CHTF8: variants seen among roughly 807,000 people sequenced by gnomAD.
CHTF8 encodes the protein chromosome transmission fidelity protein 8 homolog.
In CHTF8, 6 loss-of-function variants were observed where a neutral mutation model predicts 11.0. The ratio of observed to expected loss-of-function variants is 0.55; its 90% CI spans 0.30 to 1.08. CHTF8 has a LOEUF of 1.08. CHTF8 is among the 50% of genes least tolerant of loss of function. The probability of loss-of-function intolerance (pLI) is 0.07; values close to 1 mark genes in which losing one functional copy is unlikely to be tolerated. For synonymous variants in CHTF8, 53 were observed against 60.5 expected (o/e 0.88, Z 0.57); for missense variants, 140 against 153.1 (o/e 0.91, Z 0.45).
intron 1 of CHTF8, among the ~76,000 whole-genome samples, chr16:69,130,270 ATAAC>A (rs1194933165): frequency 6.6e-6 from 1 of 152,216 alleles, no homozygotes; most frequent in African/African-American, 2.4e-5. Context: ...CTCAATACAA[ATAAC>A]TAAATTTTAA....
intron 2 of CHTF8, 118 bp from the exon 3 acceptor site, chr16:69,121,288 T>C (rs1223422835): frequency 1.4e-5 from 18 of 1,250,548 alleles, no homozygotes; most frequent in African/African-American, 1.3e-4. Context: ...TCTTGGGAAA[T>C]TGGGCAGTGC....
chr16:69,120,927 G>C lies in CHTF8; in HGVS notation c.141+126C>G, dbSNP rs1961603526. ...GAGGTAGGGGGAGAACAAGCAGAGA[G>C]CATCGCAGATTAGCTAGGCCTTGAA... On this transcript the variant is annotated intron_variant, in intron 3 of 3. Coordinates refer to ENST00000448552, the MANE Select transcript of CHTF8 (RefSeq NM_001039690.5). The surrounding 1 kb of genome is among the most constrained non-coding windows in gnomAD (Gnocchi z 4.0). The C allele has an allele frequency of 1.2e-6, 1 of 848,588 alleles. No individual in the cohort carries two copies. The highest frequency in any genetic ancestry group is 1.7e-5 in the African/African-American group (1 of 60,404). 52.6% of individuals were successfully genotyped at this position (848,588 alleles called of 1,614,324 possible).
At chr16:69,121,702 C>T (rs965270791) in intron 1 of CHTF8, among the ~76,000 whole-genome samples, 2 of 150,256 alleles carry the variant, frequency 1.3e-5, no homozygotes, top group African/African-American at 4.9e-5. Context: ...GAGTCTCACT[C>T]TGTCACCCAG....
intron 1 of CHTF8, among the ~76,000 whole-genome samples, chr16:69,125,894 A>T (rs1962026622): frequency 6.6e-6 from 1 of 152,218 alleles, no homozygotes; most frequent in African/African-American, 2.4e-5. Flanking sequence ...TATTGCAAAG[A>T]CCAAATATAA....
intron 1 of CHTF8, among the ~76,000 whole-genome samples, chr16:69,123,941 A>AC (rs1308004835): frequency 1.4e-5 from 2 of 140,544 alleles, no homozygotes; most frequent in East Asian, 2.2e-4. Context: ...AAAAAAAAAA[A>AC]AAAAAACAAA....
At chr16:69,122,731 G>A (rs1018388233) in intron 1 of CHTF8, among the ~76,000 whole-genome samples, 1 of 151,924 alleles carries the variant, frequency 6.6e-6, no homozygotes, top group African/African-American at 2.4e-5. Context: ...TAGTAGAGAC[G>A]AGGTTTCTTC....
Position 69,119,607 on chromosome 16 carries a change from A to G in CHTF8, c.*818T>C. ...CTGCTGCTCTTAGAATGGGGGCAAG[A>G]TCGAGGCCTTGAGGTCCAGCCATTC... is the stretch of plus-strand genomic sequence containing the variant. On this transcript the variant is annotated 3_prime_UTR_variant, in exon 4 of 4. Transcript: ENST00000448552. The G allele has an allele frequency of 1.4e-6, 1 of 698,328 alleles. No individual in the cohort carries two copies. The highest frequency in any genetic ancestry group is 2.6e-6 in the Non-Finnish European group (1 of 382,134). 43.3% of individuals were successfully genotyped at this position (698,328 alleles called of 1,614,324 possible). A position where few individuals can be genotyped will look rare whatever the true frequency, so the allele number is the denominator to read the frequency against.
Position 69,124,110 on chromosome 16 carries a change from G to GA in CHTF8, c.-35-2618dup, listed in dbSNP as rs548522836. Among the ~76,000 whole-genome samples the GA allele has an allele frequency of 3.6e-3, 501 of 138,208 alleles. 7 individuals are homozygous for GA. In the East Asian group the frequency reaches 0.041, roughly 11 times the overall value. 90.7% of individuals were successfully genotyped at this position (138,208 alleles called of 152,430 possible). On this transcript the variant is annotated intron_variant, in intron 1 of 3. Transcript: ENST00000448552. Reference sequence around the variant, plus strand: ...AAGAGCAAGACTCTGTCTCAAAGGGGAAAAAAAAAAAAAGGATAATATGCT... The same window carrying GA: ...AAGAGCAAGACTCTGTCTCAAAGGGGAAAAAAAAAAAAAAGGATAATATGCT...
At chr16:69,122,228 TCAC>T (rs1168762012) in intron 1 of CHTF8, among the ~76,000 whole-genome samples, 4 of 152,210 alleles carry the variant, frequency 2.6e-5, no homozygotes, top group Admixed American at 2.6e-4. Context: ...TTGCTTAAAA[TCAC>T]CAATGGTCAA....
Position 69,120,064 on chromosome 16 carries a change from C to G in CHTF8, c.*361G>C. 1 of 691,012 alleles carries G rather than the reference C, an allele frequency of 1.4e-6. No individual in the cohort carries two copies. Among genetic ancestry groups the G allele is most frequent in the Non-Finnish European group, 2.6e-6 (1 of 380,718 alleles). 42.8% of individuals were successfully genotyped at this position (691,012 alleles called of 1,614,324 possible). ...GTTTAGGGTGGGGCCTGGGCCTGGGCCTGGCCCCAAGAGGCCACCAGGCCT... is the reference window on the plus strand; with the variant it reads ...GTTTAGGGTGGGGCCTGGGCCTGGGGCTGGCCCCAAGAGGCCACCAGGCCT... On this transcript the variant is annotated 3_prime_UTR_variant, in exon 4 of 4. Coordinates refer to ENST00000448552, the MANE Select transcript of CHTF8 (RefSeq NM_001039690.5). This position sits in a 1 kb window ranked among gnomAD's most constrained non-coding sequence, Gnocchi z 4.0.
intron 1 of CHTF8, among the ~76,000 whole-genome samples, chr16:69,122,165 A>G (rs900928063): frequency 3.9e-5 from 6 of 152,206 alleles, no homozygotes; most frequent in Non-Finnish European, 5.9e-5. Flanking sequence ...TTCCTCTAAC[A>G]ATGCCCTAAG....
At chr16:69,128,217 A>C (rs1275214479) in intron 1 of CHTF8, among the ~76,000 whole-genome samples, 1 of 152,142 alleles carries the variant, frequency 6.6e-6, no homozygotes, top group Non-Finnish European at 1.5e-5. Flanking sequence ...CCGGCTAACT[A>C]TCTCTTAAGA....
In CHTF8 at chr16:69,118,730, T is replaced by C. The variant is rs1961367594; in HGVS notation, c.*1695A>G. 3 of 641,532 alleles carry C rather than the reference T, an allele frequency of 4.7e-6. No individual in the cohort carries two copies. The highest frequency in any genetic ancestry group is 4.8e-5 in the Admixed American group (2 of 41,306). The allele number at this position is 641,532 out of a possible 1,614,324, so 39.7% of individuals were successfully genotyped here. On this transcript the variant is annotated 3_prime_UTR_variant, in exon 4 of 4. Coordinates refer to ENST00000448552, the MANE Select transcript of CHTF8 (RefSeq NM_001039690.5). ...AACGCAAAGGAAAAAGATGGCTCATTTGAACTTGAGCCCAAGCTATGTTCT... is the reference window on the plus strand; with the variant it reads ...AACGCAAAGGAAAAAGATGGCTCATCTGAACTTGAGCCCAAGCTATGTTCT...
intron 1 of CHTF8, among the ~76,000 whole-genome samples, chr16:69,123,839 G>A (rs1280660323): frequency 6.8e-6 from 1 of 146,962 alleles, no homozygotes; most frequent in Non-Finnish European, 1.5e-5. Flanking sequence ...TGCAATTCCA[G>A]AACTTTGGGA....
intron 1 of CHTF8, among the ~76,000 whole-genome samples, chr16:69,128,822 T>G (rs1962279514): frequency 6.6e-6 from 1 of 152,118 alleles, no homozygotes; most frequent in Non-Finnish European, 1.5e-5. Context: ...TCCCAGCACT[T>G]TGGGAGCCCA....
At chr16:69,125,805 G>GT (rs1399386676) in intron 1 of CHTF8, among the ~76,000 whole-genome samples, 2 of 152,246 alleles carry the variant, frequency 1.3e-5, no homozygotes, top group Non-Finnish European at 2.9e-5. Flanking sequence ...TCTCCTGCCT[G>GT]TAAGTGTGGA....
At position 69,118,259 on chromosome 16, in the gene CHTF8, G is replaced by T. The variant is rs576908984; in HGVS notation, c.*2166C>A. On this transcript the variant is annotated 3_prime_UTR_variant, in exon 4 of 4. Transcript: ENST00000448552. ...TAAATCTGGCCACCTCTAAGTCCCAGGAGAAGGGAGCTGCAGGCCCAGTCA... is the reference window on the plus strand; with the variant it reads ...TAAATCTGGCCACCTCTAAGTCCCATGAGAAGGGAGCTGCAGGCCCAGTCA... 1.0e-5 allele frequency: 8 copies of T among 791,868 alleles called. No individual in the cohort carries two copies. The highest frequency in any genetic ancestry group is 1.8e-5 in the Non-Finnish European group (8 of 449,686). 49.1% of individuals were successfully genotyped at this position (791,868 alleles called of 1,614,324 possible).
chr16:69,124,981 C>T (rs895923095), intron 1 of CHTF8, among the ~76,000 whole-genome samples: 1 of 151,988 alleles, frequency 6.6e-6, no homozygotes, highest in Admixed American at 6.6e-5. Flanking sequence ...CTCGGCTCAC[C>T]GCAACCTCCA....
chr16:69,119,806 C>A lies in CHTF8; in HGVS notation c.*619G>T. 1.4e-6 allele frequency: 1 copy of A among 700,966 alleles called. No homozygotes were observed. Among genetic ancestry groups the A allele is most frequent in the Non-Finnish European group, 2.6e-6 (1 of 384,846 alleles). 43.4% of individuals were successfully genotyped at this position (700,966 alleles called of 1,614,324 possible). A position where few individuals can be genotyped will look rare whatever the true frequency, so the allele number is the denominator to read the frequency against. On this transcript the variant is annotated 3_prime_UTR_variant, in exon 4 of 4. Transcript: ENST00000448552. ...GCCTGATCTCAGATTGGGGTTTGGT[C>A]CTGGGCCCAGGCCAACTGGCCTAGG...
Sources: gnomAD v4.1 joint callset for allele counts (sites outside exome capture counted in the v4.1 genomes callset) on GRCh38, gnomAD v4.1.1 for gene constraint, Gnocchi (gnomAD v3.1) non-coding constraint, MANE v1.5 for transcripts, NCBI Gene and HGNC (gene_info 2026-07-23, HGNC 2026-07-21) for gene names.